Variants in CNGB1 observed in about 807,000 individuals in gnomAD.
CNGB1 encodes the protein cyclic nucleotide gated channel subunit beta 1.
A neutral mutation model predicts 151.7 loss-of-function variants in CNGB1; 126 were observed. That is an observed-to-expected ratio of 0.83 (90% CI 0.72 to 0.96). The LOEUF (loss-of-function observed/expected upper bound fraction) is 0.96. Ranked by LOEUF, CNGB1 falls within the 40% of genes least tolerant of loss-of-function variation. The pLI is 0.00. For missense variants in CNGB1, 1,698 were observed against 1,627.0 expected (o/e 1.04, Z -0.75); for synonymous variants, 623 against 635.1 (o/e 0.98, Z 0.29).
At chr16:57,920,674 T>C (rs1469713124) in intron 18 of CNGB1, 130 bp from the exon 19 acceptor site, 1 of 1,069,524 alleles carries the variant, frequency 9.3e-7, no homozygotes, top group African/African-American at 1.6e-5. Flanking sequence ...TGCCCCCATC[T>C]CCTTCTGACA....
At position 57,950,685 on chromosome 16, in the gene CNGB1, C is replaced by T. The variant is rs192207659; in HGVS notation, c.875-145G>A. The T allele has an allele frequency of 1.1e-5, 9 of 789,966 alleles. No homozygotes were observed. The African/African-American group carries it at 1.5e-4, about 13-fold the overall frequency. The allele number at this position is 789,966 out of a possible 1,614,324, so 48.9% of individuals were successfully genotyped here. ...CATGCAGTGGGGAAATGGCACTTTC[C>T]ATTTTCAGCGGGACCAGATCGGTGT... On this transcript the variant is annotated intron_variant, in intron 12 of 32. Transcript: ENST00000251102.
At position 57,960,049 on chromosome 16, in the gene CNGB1, G is replaced by A; in HGVS notation, c.600C>T (p.Pro200=). The stretch of plus-strand genomic sequence containing the variant: ...CCTGCAGCTTGGGCCCCATTTCCTG[G>A]GGGCGTCCTGGAGGCGCTAAGCAGC... The part of the protein sequence containing the change: ...AASDPAPPGR[P]QEMGPKLQAR... Residue 200 remains proline, a synonymous_variant, in exon 10 of 33, where the codon CCC becomes CCT. Transcript: ENST00000251102. 1 of 1,558,954 alleles carries A rather than the reference G, an allele frequency of 6.4e-7. No homozygotes were observed. Among genetic ancestry groups the A allele is most frequent in the Non-Finnish European group, 8.6e-7 (1 of 1,156,112 alleles).
At chr16:57,912,860 T>C in intron 24 of CNGB1, 70 bp downstream of exon 24, 1 of 1,450,626 alleles carries the variant, frequency 6.9e-7, no homozygotes, top group Non-Finnish European at 9.7e-7. Flanking sequence ...GTTGTGTGTG[T>C]ATTGCGTGTG....
At chr16:57,955,217 T>G (rs1019266258) in intron 12 of CNGB1, 1 of 1,535,374 alleles carries the variant, frequency 6.5e-7, no homozygotes, top group African/African-American at 1.4e-5. Flanking sequence ...AGGGAGGGGT[T>G]CGCTGTTCAA....
chr16:57,957,508 G>C (rs773631041), intron 11 of CNGB1, 131 bp from the exon 12 acceptor site: 65 of 774,992 alleles, frequency 8.4e-5, no homozygotes, highest in African/African-American at 1.2e-4. Context: ...GGATGGAGAA[G>C]AGAGTCCCTG....
At chr16:57,957,492 C>T in intron 11 of CNGB1, 115 bp from the exon 12 acceptor site, 1 of 854,268 alleles carries the variant, frequency 1.2e-6, no homozygotes, top group South Asian at 1.4e-5. Flanking sequence ...CCTTAGTTGT[C>T]CCATGGGATG....
chr16:57,939,497 C>A lies in CNGB1; in HGVS notation c.1305G>T (p.Lys435Asn), dbSNP rs770471764. Residue 435 changes from lysine to asparagine, a missense_variant, in exon 16 of 33, where the codon AAG (lysine) becomes AAT (asparagine). Coordinates refer to ENST00000251102, the MANE Select transcript of CNGB1 (RefSeq NM_001297.5). ...AEEVAEEEAE[K>N]EPQDWAETKE... ...TGGTCTCCGCCCAGTCCTGGGGCTC[C>A]TTTTCAGCCTCCTCTTCAGCCACCT... 3.7e-6 allele frequency: 6 copies of A among 1,614,072 alleles called. No individual in the cohort carries two copies. The highest frequency in any genetic ancestry group is 5.1e-6 in the Non-Finnish European group (6 of 1,179,970).
intron 16 of CNGB1, among the ~76,000 whole-genome samples, chr16:57,937,932 G>T (rs1207262170): frequency 6.6e-6 from 1 of 152,228 alleles, no homozygotes; most frequent in Non-Finnish European, 1.5e-5. Context: ...ATTCCAATGG[G>T]CTGTCAGGTT....
rs1261533104 is a variant in CNGB1 at position 57,950,378 on chromosome 16, C to A, written c.1034+3G>T. 2 of 1,614,226 alleles carry A rather than the reference C, an allele frequency of 1.2e-6. No individual in the cohort carries two copies. The highest frequency in any genetic ancestry group is 4.5e-5 in the East Asian group (2 of 44,890). On this transcript the variant is annotated splice_donor_region_variant and intron_variant, in intron 13 of 32. Coordinates refer to ENST00000251102, the MANE Select transcript of CNGB1 (RefSeq NM_001297.5). ...TCTTTTAGGGTCTTCTCAGACTCCC[C>A]ACCTGGGCATCTTCTCCACAGCTTT... is the stretch of plus-strand genomic sequence containing the variant.
rs1187092335 is a variant in CNGB1, at chr16:57,919,115, G to T, written c.1941C>A (p.Ser647Arg). 38 of 1,614,082 alleles carry T rather than the reference G, an allele frequency of 2.4e-5. No individual in the cohort carries two copies. Among genetic ancestry groups the T allele is most frequent in the Non-Finnish European group, 3.1e-5 (37 of 1,180,058 alleles). The change falls in exon 20 of 33, where the codon AGC becomes AGA. Residue 647 changes from serine (S) to arginine (R), a missense_variant. By Grantham distance (110) the Ser-to-Arg change is moderately radical. Coordinates refer to ENST00000251102, the MANE Select transcript of CNGB1 (RefSeq NM_001297.5). Reference sequence around the variant, plus strand: ...AGGACTCACTGGTCAGCGGGTCAATGCTCTGGGGAAACTGGTACTTCTTCC... The same window carrying T: ...AGGACTCACTGGTCAGCGGGTCAATTCTCTGGGGAAACTGGTACTTCTTCC... ...RPWKKYQFPQ[S>R]IDPLTNLMYV...
intron 16 of CNGB1, among the ~76,000 whole-genome samples, chr16:57,934,026 A>C (rs567789614): frequency 6.6e-6 from 1 of 152,148 alleles, no homozygotes; most frequent in East Asian, 1.9e-4. Context: ...CCCAGCCGAT[A>C]TGGGGTTTTT....
At chr16:57,943,030 T>C (rs1447774590) in intron 14 of CNGB1, among the ~76,000 whole-genome samples, 6 of 151,892 alleles carry the variant, frequency 4.0e-5, no homozygotes, top group African/African-American at 1.5e-4. Flanking sequence ...AGCAAAAATA[T>C]ACAAAATGGG....
chr16:57,955,428 G>A (rs1170045592), intron 12 of CNGB1: 11 of 1,322,464 alleles, frequency 8.3e-6, no homozygotes, highest in Non-Finnish European at 5.3e-6. Context: ...GAATGAGTGA[G>A]TGAGTGAGTG....
chr16:57,908,543 C>G (rs1960620070), intron 25 of CNGB1, among the ~76,000 whole-genome samples: 1 of 152,272 alleles, frequency 6.6e-6, no homozygotes, highest in South Asian at 2.1e-4. Flanking sequence ...GGCACTGAGG[C>G]AGGGGCTCAG....
At chr16:57,965,968 T>C (rs1201148331) in intron 2 of CNGB1, among the ~76,000 whole-genome samples, 1 of 152,130 alleles carries the variant, frequency 6.6e-6, no homozygotes, top group Non-Finnish European at 1.5e-5. Context: ...ATGCAACATA[T>C]ACACATGCAT....
intron 32 of CNGB1, among the ~76,000 whole-genome samples, chr16:57,887,085 T>G (rs544466508): frequency 5.3e-5 from 8 of 152,284 alleles, no homozygotes; most frequent in African/African-American, 1.9e-4. Flanking sequence ...AAGTTCTCGC[T>G]ATGTTGCCCA....
At chr16:57,949,866 C>T (rs1284406319) in intron 13 of CNGB1, among the ~76,000 whole-genome samples, 4 of 152,248 alleles carry the variant, frequency 2.6e-5, no homozygotes, top group African/African-American at 9.6e-5. Context: ...AGCAATTCCC[C>T]TCTAGAAATC....
chr16:57,960,960 C>T (rs1387720912), intron 7 of CNGB1, 45 bp from the exon 8 acceptor site: 1 of 1,586,642 alleles, frequency 6.3e-7, no homozygotes. Context: ...AGGGAACCGG[C>T]CAGCGCACTA....
In CNGB1 at chr16:57,883,720, T is replaced by C. The variant is rs1959819200; in HGVS notation, c.*444A>G. On this transcript the variant is annotated 3_prime_UTR_variant, in exon 33 of 33. Coordinates refer to ENST00000251102, the MANE Select transcript of CNGB1 (RefSeq NM_001297.5). The stretch of plus-strand genomic sequence containing the variant: ...AGGCATGAGCCACCATGCCCGGCAG[T>C]GAAGTATTTTCTATCCTTGAAATGT... 2.2e-5 allele frequency: 5 copies of C among 222,252 alleles called. No individual in the cohort carries two copies. The South Asian group carries it at 2.4e-4, about 11-fold the overall frequency. 13.8% of individuals were successfully genotyped at this position (222,252 alleles called of 1,614,324 possible). A position where few individuals can be genotyped will look rare whatever the true frequency, so the allele number is the denominator to read the frequency against.
Sources: gnomAD v4.1 joint callset for allele counts (sites outside exome capture counted in the v4.1 genomes callset) on GRCh38, gnomAD v4.1.1 for gene constraint, MANE v1.5 for transcripts, NCBI Gene and HGNC (gene_info 2026-07-23, HGNC 2026-07-21) for gene names.